DAB2IP: variants seen among roughly 807,000 people sequenced by gnomAD.
DAB2IP encodes disabled homolog 2-interacting protein.
DAB2IP carries 28 observed loss-of-function variants against 107.2 expected under a neutral mutation model. The observed-to-expected ratio is 0.26, with a 90% CI of 0.19 to 0.36. DAB2IP has a LOEUF of 0.36. Among genes scored for constraint, DAB2IP ranks in the 10% least tolerant of loss-of-function variants. The probability of loss-of-function intolerance (pLI) is 1.00; values close to 1 mark genes in which losing one functional copy is unlikely to be tolerated. For synonymous variants in DAB2IP, 755 were observed against 706.4 expected (o/e 1.07, Z -1.09); for missense variants, 1,400 against 1,644.7 (o/e 0.85, Z 2.57).
chr9:121,583,765 T>C (rs1334243999), intron 1 of DAB2IP, among the ~76,000 whole-genome samples: 1 of 152,200 alleles, frequency 6.6e-6, no homozygotes, highest in Non-Finnish European at 1.5e-5. Flanking sequence ...GCCTATAGGC[T>C]CTGTCTAGGC....
intron 3 of DAB2IP, among the ~76,000 whole-genome samples, chr9:121,735,296 T>C (rs1304825952): frequency 6.6e-6 from 1 of 152,100 alleles, no homozygotes; most frequent in Non-Finnish European, 1.5e-5. Context: ...GCCTGGAGCC[T>C]AGGGCCCAGC....
At chr9:121,682,947 C>G (rs1210858419) in intron 2 of DAB2IP, among the ~76,000 whole-genome samples, 3 of 151,968 alleles carry the variant, frequency 2.0e-5, no homozygotes. Context: ...TTATAGGGGG[C>G]CCTGAATGAG....
chr9:121,587,226 A>G (rs961656047), intron 1 of DAB2IP, among the ~76,000 whole-genome samples: 4 of 151,922 alleles, frequency 2.6e-5, no homozygotes, highest in African/African-American at 7.3e-5. Context: ...GGCTTCCTGG[A>G]AGAGCGGATT....
chr9:121,569,976 G>A (rs931586660), intron 1 of DAB2IP, among the ~76,000 whole-genome samples: 2 of 152,048 alleles, frequency 1.3e-5, no homozygotes, highest in Admixed American at 6.5e-5. Context: ...TTGTGTGTGT[G>A]TGGAGATGGG....
chr9:121,706,818 A>G (rs1478914393), intron 3 of DAB2IP, among the ~76,000 whole-genome samples: 1 of 152,186 alleles, frequency 6.6e-6, no homozygotes, highest in Non-Finnish European at 1.5e-5. Context: ...CCACCTGGGC[A>G]TGCACACATG....
rs1028299368 is a variant in DAB2IP at position 121,783,358 on chromosome 9, T to C, written c.*860T>C. On this transcript the variant is annotated 3_prime_UTR_variant, in exon 16 of 16. Coordinates refer to ENST00000408936, the Ensembl canonical transcript of DAB2IP. Reference sequence around the variant, plus strand: ...TCTGGCCAGATGGCTCTGAGCACTGTATCTGCCTTCTCCTGGGGCCCAGCA... The same window carrying C: ...TCTGGCCAGATGGCTCTGAGCACTGCATCTGCCTTCTCCTGGGGCCCAGCA... 48 of 1,488,280 alleles carry C rather than the reference T, an allele frequency of 3.2e-5. No homozygotes were observed. In the African/African-American group the frequency reaches 6.4e-4, roughly 20 times the overall value. 92.2% of individuals were successfully genotyped at this position (1,488,280 alleles called of 1,614,324 possible).
chr9:121,614,706 G>T (rs746403748), intron 1 of DAB2IP, among the ~76,000 whole-genome samples: 2 of 148,960 alleles, frequency 1.3e-5, no homozygotes, highest in African/African-American at 4.9e-5. Context: ...TCTGCCCATA[G>T]AATCCTTTCT....
chr9:121,592,154 G>T (rs1830432322), intron 1 of DAB2IP, among the ~76,000 whole-genome samples: 1 of 152,182 alleles, frequency 6.6e-6, no homozygotes, highest in Non-Finnish European at 1.5e-5. Flanking sequence ...GATCACTTGA[G>T]ATCAGGGGTT....
intron 1 of DAB2IP, among the ~76,000 whole-genome samples, chr9:121,606,647 A>AT (rs908810044): frequency 3.3e-5 from 5 of 151,066 alleles, no homozygotes; most frequent in East Asian, 1.9e-4. Context: ...CAGAGTGAGG[A>AT]TTTTTTTTTC....
intron 2 of DAB2IP, among the ~76,000 whole-genome samples, chr9:121,695,628 G>A (rs1030655382): frequency 6.6e-6 from 1 of 152,140 alleles, no homozygotes; most frequent in African/African-American, 2.4e-5. Flanking sequence ...TGCAGGAGAA[G>A]TGGGATACAG....
chr9:121,573,337 A>C (rs1829993670), intron 1 of DAB2IP, among the ~76,000 whole-genome samples: 1 of 152,038 alleles, frequency 6.6e-6, no homozygotes, highest in African/African-American at 2.4e-5. Flanking sequence ...TTGGCCTCCC[A>C]AACTGCTAGG....
At chr9:121,591,883 G>A (rs1019498926) in intron 1 of DAB2IP, among the ~76,000 whole-genome samples, 1 of 152,204 alleles carries the variant, frequency 6.6e-6, no homozygotes, top group Non-Finnish European at 1.5e-5. Context: ...AGTCAGATGA[G>A]GTAGCCAAGG....
chr9:121,763,712 A>C, intron 7 of DAB2IP, 23 bp from the exon 8 acceptor site: 1 of 1,612,282 alleles, frequency 6.2e-7, no homozygotes, highest in African/African-American at 1.3e-5. Context: ...CTCACTCCCC[A>C]CTCCCTGCCC....
chr9:121,770,471 A>G, intron 10 of DAB2IP, 75 bp from the exon 11 acceptor site: 1 of 1,526,020 alleles, frequency 6.6e-7, no homozygotes. Context: ...GTTTTGAGCC[A>G]TAGTGGCTGC....
intron 6 of DAB2IP, among the ~76,000 whole-genome samples, chr9:121,762,489 G>A (rs1833967584): frequency 6.6e-6 from 1 of 152,218 alleles, no homozygotes; most frequent in South Asian, 2.1e-4. Flanking sequence ...GCCAATGACA[G>A]CTTCCCCTTT....
chr9:121,577,964 A>T (rs1830103482), intron 1 of DAB2IP, among the ~76,000 whole-genome samples: 1 of 152,024 alleles, frequency 6.6e-6, no homozygotes, highest in African/African-American at 2.4e-5. Context: ...GCGGGGGTAG[A>T]GGTGGAGATC....
intron 1 of DAB2IP, among the ~76,000 whole-genome samples, chr9:121,572,786 G>A (rs963658321): frequency 8.6e-5 from 13 of 152,032 alleles, no homozygotes; most frequent in Admixed American, 2.0e-4. Context: ...GTACAGGAGC[G>A]GGGGTTGGGC....
intron 1 of DAB2IP, among the ~76,000 whole-genome samples, chr9:121,668,266 C>T (rs1833531393): frequency 6.7e-6 from 1 of 149,898 alleles, no homozygotes; most frequent in Admixed American, 6.7e-5. Context: ...GATCTCCACT[C>T]ACTGCAACCT....
exon 8 of DAB2IP, chr9:121,763,863 A>G: frequency 6.2e-7 from 1 of 1,614,046 alleles, no homozygotes; most frequent in Non-Finnish European, 8.5e-7. Flanking sequence ...CTTCTGCAAG[A>G]TCATCAACTC....
Sources: gnomAD v4.1 joint callset for allele counts (sites outside exome capture counted in the v4.1 genomes callset) on GRCh38, gnomAD v4.1.1 for gene constraint, MANE v1.5 for transcripts, NCBI Gene and HGNC (gene_info 2026-07-23, HGNC 2026-07-21) for gene names.